Variants in CAST observed in about 807,000 individuals in gnomAD.
CAST encodes calpastatin.
CAST carries 76 observed loss-of-function variants against 119.6 expected under a neutral mutation model. The observed-to-expected ratio is 0.64, with a 90% confidence interval of 0.53 to 0.77. The LOEUF (loss-of-function observed/expected upper bound fraction) is 0.77, where lower values mean the gene tolerates loss of function less well. Ranked by LOEUF, CAST falls within the 30% of genes least tolerant of loss-of-function variation. The pLI is 0.00. For missense variants in CAST, 953 were observed against 946.5 expected (o/e 1.01, Z -0.09); for synonymous variants, 319 against 331.6 (o/e 0.96, Z 0.41).
At chr5:96,305,778 C>G in the CAST span, among the ~76,000 whole-genome samples, 28 of 151,472 alleles carry the variant, frequency 1.8e-4, 1 homozygote, top group South Asian at 5.8e-3. Flanking sequence ...TATATTGAGC[C>G]AGCCTTGCAT....
chr5:96,251,847 A>T, the CAST span, among the ~76,000 whole-genome samples: 3 of 152,170 alleles, frequency 2.0e-5, no homozygotes, highest in Non-Finnish European at 4.4e-5. Flanking sequence ...ATAGTTAACG[A>T]ATGGTCTCAG....
intron 1 of CAST, among the ~76,000 whole-genome samples, chr5:96,556,579 C>T (rs1746245292): frequency 6.6e-6 from 1 of 152,132 alleles, no homozygotes; most frequent in African/African-American, 2.4e-5. Context: ...CCTCGGTAGC[C>T]TATTTGATCA....
chr5:96,690,635 G>C (rs1344801355), intron 2 of CAST, among the ~76,000 whole-genome samples: 1 of 152,166 alleles, frequency 6.6e-6, no homozygotes, highest in East Asian at 1.9e-4. Flanking sequence ...CTTTGCACTT[G>C]CAGTAGCACA....
At chr5:96,273,276 TCA>T in the CAST span, among the ~76,000 whole-genome samples, 1 of 152,210 alleles carries the variant, frequency 6.6e-6, no homozygotes, top group Non-Finnish European at 1.5e-5. Flanking sequence ...TCATGGAACT[TCA>T]GAGAAGTCCT....
the CAST span, among the ~76,000 whole-genome samples, chr5:96,098,161 T>A: frequency 6.6e-6 from 1 of 152,226 alleles, no homozygotes; most frequent in Non-Finnish European, 1.5e-5. Context: ...CTTTGCCCAC[T>A]TTTTAATGGG....
At chr5:96,325,277 GAGTT>G in the CAST span, among the ~76,000 whole-genome samples, 22 of 152,112 alleles carry the variant, frequency 1.4e-4, no homozygotes, top group Non-Finnish European at 2.2e-4. Flanking sequence ...TTAAAAAAGA[GAGTT>G]AGAGAATTCC....
chr5:96,707,393 T>TC (rs997980611), intron 3 of CAST, among the ~76,000 whole-genome samples: 4 of 114,120 alleles, frequency 3.5e-5, no homozygotes, highest in African/African-American at 1.2e-4. Context: ...TTAGTTAACC[T>TC]TTTTTTTTTT....
chr5:96,330,482 A>G, the CAST span, among the ~76,000 whole-genome samples: 1 of 152,266 alleles, frequency 6.6e-6, no homozygotes, highest in Admixed American at 6.5e-5. Context: ...GGATTTTTTA[A>G]TGGTCACACC....
chr5:96,471,897 A>C, the CAST span, among the ~76,000 whole-genome samples: 1 of 152,180 alleles, frequency 6.6e-6, no homozygotes, highest in South Asian at 2.1e-4. Flanking sequence ...ATTCAGGCTC[A>C]TGCCAGCCTT....
chr5:96,429,464 A>C, the CAST span: 1 of 611,792 alleles, frequency 1.6e-6, no homozygotes, highest in South Asian at 2.0e-5. Context: ...CTTTTTTTAA[A>C]CTTTTAAGTT....
At chr5:96,333,485 C>T in the CAST span, among the ~76,000 whole-genome samples, 2 of 152,106 alleles carry the variant, frequency 1.3e-5, no homozygotes, top group Admixed American at 6.5e-5. Context: ...CCCCATGAGC[C>T]TTCTCACCTT....
At chr5:96,246,168 T>C in the CAST span, among the ~76,000 whole-genome samples, 63 of 148,486 alleles carry the variant, frequency 4.2e-4, no homozygotes, top group African/African-American at 1.5e-3. Context: ...GGGTGGATCC[T>C]GGAAACCTGT....
At chr5:96,044,202 T>C in the CAST span, among the ~76,000 whole-genome samples, 3 of 152,242 alleles carry the variant, frequency 2.0e-5, no homozygotes, top group African/African-American at 7.2e-5. Flanking sequence ...TTTGAATGTT[T>C]GTGTCCCATT....
the CAST span, among the ~76,000 whole-genome samples, chr5:96,110,343 T>C: frequency 1.3e-5 from 2 of 152,230 alleles, no homozygotes; most frequent in South Asian, 4.1e-4. Context: ...AGAAGAAATA[T>C]AGTTTCAAAA....
chr5:96,676,170 A>C (rs147269926), intron 2 of CAST, among the ~76,000 whole-genome samples: 2 of 152,184 alleles, frequency 1.3e-5, no homozygotes, highest in Non-Finnish European at 2.9e-5. Context: ...CTACTTCTCT[A>C]TGGAAGGGTC....
At chr5:96,208,421 T>A in the CAST span, among the ~76,000 whole-genome samples, 1 of 151,748 alleles carries the variant, frequency 6.6e-6, no homozygotes, top group Non-Finnish European at 1.5e-5. Context: ...GTTAGGTTAC[T>A]AATATGAATG....
chr5:96,452,079 G>A, the CAST span, among the ~76,000 whole-genome samples: 2 of 152,238 alleles, frequency 1.3e-5, no homozygotes, highest in Admixed American at 6.5e-5. Flanking sequence ...GGAAGACAGT[G>A]TGGTGATTCC....
rs538309365 is a variant in CAST at position 96,667,477 on chromosome 5, C to T, written c.75+4980C>T. Among the ~76,000 whole-genome samples the T allele has an allele frequency of 3.3e-5, 5 of 152,294 alleles. No homozygotes were observed. In the South Asian group the frequency reaches 6.2e-4, roughly 19 times the overall value. On this transcript the variant is annotated intron_variant, in intron 1 of 31. Transcript: ENST00000675179. ...GATACCCCCTTTGACTTAAGAAAAA[C>T]TCATCCAGCCTTACTTCAGGTGAAT...
the CAST span, chr5:95,961,878 C>G: frequency 1.1e-6 from 1 of 915,242 alleles, no homozygotes; most frequent in Admixed American, 3.9e-5. Context: ...CGGACTGCCA[C>G]CGCCGCCACC....
Sources: allele counts gnomAD v4.1 joint callset (sites outside exome capture counted in the v4.1 genomes callset), GRCh38; gene constraint gnomAD v4.1.1; transcripts MANE v1.5; gene names NCBI Gene and HGNC (gene_info 2026-07-23, HGNC 2026-07-21).